The following CTNNA2 variants were observed in gnomAD, a reference collection of about 807,000 sequenced individuals.
CTNNA2 encodes catenin alpha 2.
CTNNA2 carries 42 observed loss-of-function variants against 101.0 expected under a neutral mutation model. That is an observed-to-expected ratio of 0.42 (90% CI 0.32 to 0.54). The LOEUF is 0.54. CTNNA2 is among the 20% of genes least tolerant of loss of function. The pLI is 0.14. For synonymous variants in CTNNA2, 450 were observed against 456.4 expected (o/e 0.99, Z 0.18); for missense variants, 871 against 1,223.1 (o/e 0.71, Z 4.29).
intron 2 of CTNNA2, among the ~76,000 whole-genome samples, chr2:79,208,674 G>C (rs1674131638): frequency 1.3e-5 from 2 of 152,066 alleles, no homozygotes; most frequent in African/African-American, 4.8e-5. Context: ...TCTTCTTTCA[G>C]GCTTTTTGTG....
intron 9 of CTNNA2, among the ~76,000 whole-genome samples, chr2:80,476,747 G>T (rs1243889924): frequency 6.6e-6 from 1 of 152,082 alleles, no homozygotes; most frequent in African/African-American, 2.4e-5. Context: ...GTCTCTTTGG[G>T]AATGAAGGGG....
intron 3 of CTNNA2, among the ~76,000 whole-genome samples, chr2:79,813,874 T>A (rs1413155099): frequency 6.6e-6 from 1 of 152,204 alleles, no homozygotes; most frequent in Non-Finnish European, 1.5e-5. Flanking sequence ...GTTTTGTGCT[T>A]CTGGAGGCTA....
chr2:80,626,797 G>C (rs867954341), intron 18 of CTNNA2, among the ~76,000 whole-genome samples: 6 of 151,934 alleles, frequency 3.9e-5, no homozygotes, highest in African/African-American at 1.5e-4. Flanking sequence ...CATATGCCAT[G>C]GTGGTTTGCT....
At chr2:80,606,847 G>T (rs1356313253) in intron 16 of CTNNA2, among the ~76,000 whole-genome samples, 1 of 151,818 alleles carries the variant, frequency 6.6e-6, no homozygotes, top group Non-Finnish European at 1.5e-5. Context: ...TTAATTTGCT[G>T]CAAGGTATTT....
chr2:79,830,750 T>C (rs1355215925), intron 3 of CTNNA2, among the ~76,000 whole-genome samples: 1 of 152,136 alleles, frequency 6.6e-6, no homozygotes, highest in Non-Finnish European at 1.5e-5. Context: ...AGAATGGGCC[T>C]GGTGTTTATG....
intron 7 of CTNNA2, among the ~76,000 whole-genome samples, chr2:80,107,885 C>T (rs534251237): frequency 1.3e-5 from 2 of 152,302 alleles, no homozygotes; most frequent in South Asian, 2.1e-4. Flanking sequence ...ATTCTGAACT[C>T]GCTTGCTCAT....
Position 80,134,208 on chromosome 2 carries a change from CTGAAAAGG to C in CTNNA2, c.1056+224413_1056+224420del, listed in dbSNP as rs1702565731. Among the ~76,000 whole-genome samples the C allele has an allele frequency of 2.0e-5, 3 of 152,178 alleles. No homozygotes were observed. In the South Asian group the frequency reaches 6.2e-4, roughly 32 times the overall value. On this transcript the variant is annotated intron_variant, in intron 7 of 18. Transcript: ENST00000402739. The stretch of plus-strand genomic sequence containing the variant: ...GGACTTGTTTTAAGATGAGAGTAGG[CTGAAAAGG>C]TTGCAAGCTAGAGTAGGATAGTGTC...
intron 4 of CTNNA2, among the ~76,000 whole-genome samples, chr2:79,389,165 T>G (rs1558655433): frequency 6.6e-6 from 1 of 152,234 alleles, no homozygotes; most frequent in Non-Finnish European, 1.5e-5. Context: ...TGTGCTTTGT[T>G]TTTTAAAAAT....
intron 12 of CTNNA2, among the ~76,000 whole-genome samples, chr2:80,558,703 A>G (rs1244368296): frequency 1.3e-5 from 2 of 152,042 alleles, no homozygotes; most frequent in African/African-American, 4.8e-5. Context: ...TTGTCATGAG[A>G]GTACATTGTA....
chr2:79,567,831 G>A (rs1675210090), intron 1 of CTNNA2, among the ~76,000 whole-genome samples: 1 of 151,988 alleles, frequency 6.6e-6, no homozygotes, highest in Admixed American at 6.6e-5. Flanking sequence ...AAAATTTCAG[G>A]GACCATCCAA....
intron 7 of CTNNA2, among the ~76,000 whole-genome samples, chr2:80,222,259 C>T (rs1344414618): frequency 6.6e-6 from 1 of 152,172 alleles, no homozygotes; most frequent in African/African-American, 2.4e-5. Flanking sequence ...CCAAATTCTG[C>T]TTATACACAA....
rs3040569 is a variant in CTNNA2 at position 80,367,007 on chromosome 2, A to ATTT, written c.1057-26191_1057-26189dup. Among the ~76,000 whole-genome samples the ATTT allele has an allele frequency of 3.4e-3, 489 of 142,560 alleles. 4 individuals are homozygous for ATTT. The highest frequency in any genetic ancestry group is 9.7e-3 in the African/African-American group (382 of 39,482). 93.5% of individuals were successfully genotyped at this position (142,560 alleles called of 152,430 possible). ...AGGTAGGTGAGAGACAAATGGTTGC[A>ATTT]TTTTTTTTTTTTTTTGAGTTTCTGA... is the stretch of plus-strand genomic sequence containing the variant. On this transcript the variant is annotated intron_variant, in intron 7 of 18. Transcript: ENST00000402739.
At chr2:79,453,734 C>A (rs1220837487) in intron 4 of CTNNA2, among the ~76,000 whole-genome samples, 1 of 152,104 alleles carries the variant, frequency 6.6e-6, no homozygotes, top group Admixed American at 6.6e-5. Flanking sequence ...ATTCTGCCAA[C>A]CTACTCCTGC....
chr2:79,531,209 T>G (rs1185273254), intron 1 of CTNNA2, among the ~76,000 whole-genome samples: 4 of 70,010 alleles, frequency 5.7e-5, no homozygotes, highest in African/African-American at 3.0e-4. Context: ...TATATATATA[T>G]ATATATATAT....
At chr2:79,733,778 C>T (rs1235966041) in intron 2 of CTNNA2, among the ~76,000 whole-genome samples, 1 of 152,034 alleles carries the variant, frequency 6.6e-6, no homozygotes, top group East Asian at 1.9e-4. Context: ...ATCTCACCAT[C>T]GACTACTCCC....
At chr2:79,624,886 A>G (rs1330799529) in intron 1 of CTNNA2, among the ~76,000 whole-genome samples, 2 of 152,182 alleles carry the variant, frequency 1.3e-5, no homozygotes, top group Admixed American at 6.5e-5. Context: ...GCATGGGCTC[A>G]GCAATGTATC....
intron 7 of CTNNA2, among the ~76,000 whole-genome samples, chr2:80,333,327 C>A (rs1157679228): frequency 6.6e-6 from 1 of 152,114 alleles, no homozygotes; most frequent in Non-Finnish European, 1.5e-5. Flanking sequence ...AAGGGCTTAT[C>A]TCATGGTGGA....
rs141222128 is a variant in CTNNA2, at chr2:80,112,575, C to T, written c.1056+202778C>T. Among the ~76,000 whole-genome samples the T allele has an allele frequency of 2.2e-3, 342 of 152,190 alleles. 2 individuals carry two copies. Among genetic ancestry groups the T allele is most frequent in the African/African-American group, 7.5e-3 (310 of 41,532 alleles). ...ATCTCTGACAAACTATTTAAGCCAT[C>T]ATTGTCACATTCAGAACAGATAAAC... On this transcript the variant is annotated intron_variant, in intron 7 of 18. Transcript: ENST00000402739.
At chr2:80,007,812 C>G (rs1023519792) in intron 7 of CTNNA2, among the ~76,000 whole-genome samples, 13 of 152,184 alleles carry the variant, frequency 8.5e-5, no homozygotes, top group African/African-American at 2.9e-4. Flanking sequence ...ACAACCCTTT[C>G]TCCCAACATT....
Sources: gnomAD v4.1 joint callset for allele counts (sites outside exome capture counted in the v4.1 genomes callset) on GRCh38, gnomAD v4.1.1 for gene constraint, MANE v1.5 for transcripts, NCBI Gene and HGNC (gene_info 2026-07-23, HGNC 2026-07-21) for gene names.